Variants in ADGRV1 observed in about 807,000 individuals in gnomAD.
ADGRV1 encodes the protein G-protein coupled receptor 98.
ADGRV1 carries 359 observed loss-of-function variants against 596.2 expected under a neutral mutation model. The ratio of observed to expected loss-of-function variants is 0.60; its 90% CI spans 0.55 to 0.66. ADGRV1 has a LOEUF of 0.66. ADGRV1 is among the 30% of genes least tolerant of loss of function. The pLI is 0.00. For missense variants in ADGRV1, 7,274 were observed against 7,575.6 expected (o/e 0.96, Z 1.48); for synonymous variants, 2,681 against 2,679.2 (o/e 1.00, Z -0.02).
Position 90,614,872 on chromosome 5 carries a change from A to G in ADGRV1, c.60A>G (p.Ser20=). Residue 20 remains serine, a synonymous_variant, in exon 2 of 90, where the codon TCA becomes TCG. Transcript: ENST00000405460. ...PSASLLVNLL[S]ALLILFVFGE... ...CATCTTTATTAGTAAATCTTCTTTCAGCTTTACTCATCCTATTTGTGTTTG... is the reference window on the plus strand; with the variant it reads ...CATCTTTATTAGTAAATCTTCTTTCGGCTTTACTCATCCTATTTGTGTTTG... 1 of 1,610,746 alleles carries G rather than the reference A, an allele frequency of 6.2e-7. No homozygotes were observed. The highest frequency in any genetic ancestry group is 2.2e-5 in the East Asian group (1 of 44,678).
At chr5:91,114,930 A>G (rs1792719226) in intron 87 of ADGRV1, among the ~76,000 whole-genome samples, 1 of 151,952 alleles carries the variant, frequency 6.6e-6, no homozygotes, top group South Asian at 2.1e-4. Flanking sequence ...TGTCTCCCCA[A>G]CCCTGTCAGA....
At chr5:90,646,515 G>A (rs1485331548) in intron 16 of ADGRV1, among the ~76,000 whole-genome samples, 1 of 151,700 alleles carries the variant, frequency 6.6e-6, no homozygotes, top group Non-Finnish European at 1.5e-5. Flanking sequence ...TATGCCTAAT[G>A]GATGGCCATA....
At chr5:90,865,411 T>C (rs1440682361) in intron 83 of ADGRV1, among the ~76,000 whole-genome samples, 1 of 152,180 alleles carries the variant, frequency 6.6e-6, no homozygotes, top group Non-Finnish European at 1.5e-5. Context: ...AGCTCTTCAG[T>C]GTCCTAGCAG....
At chr5:91,123,357 C>A (rs988814133) in intron 87 of ADGRV1, among the ~76,000 whole-genome samples, 1 of 152,002 alleles carries the variant, frequency 6.6e-6, no homozygotes, top group Admixed American at 6.6e-5. Flanking sequence ...CTGGGACGTC[C>A]AAGATCAAAG....
intron 83 of ADGRV1, among the ~76,000 whole-genome samples, chr5:90,886,646 C>G (rs1387754921): frequency 6.6e-6 from 1 of 152,158 alleles, no homozygotes; most frequent in Non-Finnish European, 1.5e-5. Flanking sequence ...CTTATATACT[C>G]TGTTGCTCCT....
At chr5:90,672,168 G>C (rs1176552217) in intron 21 of ADGRV1, among the ~76,000 whole-genome samples, 1 of 152,016 alleles carries the variant, frequency 6.6e-6, no homozygotes, top group Admixed American at 6.5e-5. Flanking sequence ...TTATAAAATT[G>C]CAAGTTTGTC....
In ADGRV1 at chr5:90,675,253, G is replaced by T; in HGVS notation, c.5121G>T (p.Gln1707His). 6.2e-7 allele frequency: 1 copy of T among 1,613,168 alleles called. No homozygotes were observed. The highest frequency in any genetic ancestry group is 8.5e-7 in the Non-Finnish European group (1 of 1,179,730). ...CTTTGTCTCCACTAGGCTTGCTGCA[G>T]TTCTCCACAGGGCTGCCTCCTCAGC... ...KASDHPYGLLQFSTGLPPQPK... is the reference protein window; with the variant it reads ...KASDHPYGLLHFSTGLPPQPK... The change falls in exon 24 of 90, where the codon CAG becomes CAT. Residue 1707 changes from glutamine (Q) to histidine (H), a missense_variant. Physicochemically the swap from Gln to His is conservative, Grantham distance 24. Coordinates refer to ENST00000405460, the MANE Select transcript of ADGRV1 (RefSeq NM_032119.4).
At chr5:90,799,582 A>G (rs1364861241) in intron 70 of ADGRV1, among the ~76,000 whole-genome samples, 2 of 152,216 alleles carry the variant, frequency 1.3e-5, no homozygotes, top group African/African-American at 4.8e-5. Flanking sequence ...AAACTACCTT[A>G]AACTTCATAT....
rs772972763 is a variant in ADGRV1 at position 90,676,145 on chromosome 5, T to C, written c.5379T>C (p.Thr1793=). 33 of 1,606,422 alleles carry C rather than the reference T, an allele frequency of 2.1e-5. No homozygotes were observed. Among genetic ancestry groups the C allele is most frequent in the Non-Finnish European group, 2.6e-5 (30 of 1,175,316 alleles). Residue 1793 remains threonine, a synonymous_variant, in exon 25 of 90, where the codon ACT becomes ACC. Coordinates refer to ENST00000405460, the MANE Select transcript of ADGRV1 (RefSeq NM_032119.4). ...ERYKYIFINI[T]DNSIPELEKS... ...ATAAATACATTTTCATAAACATCAC[T>C]GATAATTCTATTCCTGAACTGGAAA...
At chr5:91,155,409 C>T (rs1198694145) in intron 89 of ADGRV1, among the ~76,000 whole-genome samples, 1 of 152,144 alleles carries the variant, frequency 6.6e-6, no homozygotes, top group African/African-American at 2.4e-5. Context: ...AGCCGGGCAG[C>T]AGAAGGCAGG....
rs1412653974 is a variant in ADGRV1, at chr5:90,821,022, G to C, written c.16197-2403G>C. Among the ~76,000 whole-genome samples, 11 of 152,146 alleles carry C rather than the reference G, an allele frequency of 7.2e-5. No homozygotes were observed. The East Asian group carries it at 1.2e-3, about 16-fold the overall frequency. On this transcript the variant is annotated intron_variant, in intron 75 of 89. Coordinates refer to ENST00000405460, the MANE Select transcript of ADGRV1 (RefSeq NM_032119.4). ...ATCCTGCAGAGTGTTTTCCACCTTG[G>C]TTCCATTCTCCCCATCACTTTCAGG... is the stretch of plus-strand genomic sequence containing the variant.
In ADGRV1 at chr5:90,830,889, A is replaced by G. The variant is rs570242590; in HGVS notation, c.16611+1703A>G. On this transcript the variant is annotated intron_variant, in intron 77 of 89. Coordinates refer to ENST00000405460, the MANE Select transcript of ADGRV1 (RefSeq NM_032119.4). ...TCATAATGTGGGTGAGCCTCATTCAATCAGTCAAAGTCCTGAATAGACCAA... is the reference window on the plus strand; with the variant it reads ...TCATAATGTGGGTGAGCCTCATTCAGTCAGTCAAAGTCCTGAATAGACCAA... 5.3e-5 allele frequency among the ~76,000 whole-genome samples: 8 copies of G among 152,280 alleles called. No homozygotes were observed. In the East Asian group the frequency reaches 1.4e-3, roughly 26 times the overall value.
At chr5:90,574,672 T>C (rs755331986) in intron 1 of ADGRV1, among the ~76,000 whole-genome samples, 14 of 152,188 alleles carry the variant, frequency 9.2e-5, no homozygotes, top group Non-Finnish European at 1.8e-4. Context: ...TTGATATCAG[T>C]TCCTTGTACG....
chr5:90,664,020 G>A, intron 21 of ADGRV1, among the ~76,000 whole-genome samples: 1 of 140,718 alleles, frequency 7.1e-6, no homozygotes, highest in Non-Finnish European at 1.5e-5. Context: ...CTGTAGCCTT[G>A]TAGTATAGTT....
intron 83 of ADGRV1, among the ~76,000 whole-genome samples, chr5:90,885,898 A>C (rs1770234625): frequency 6.6e-6 from 1 of 151,818 alleles, no homozygotes; most frequent in South Asian, 2.1e-4. Context: ...GGGAGGAAGA[A>C]AGGAAGGGAG....
intron 1 of ADGRV1, among the ~76,000 whole-genome samples, chr5:90,574,164 G>T (rs1030530374): frequency 1.1e-4 from 17 of 148,990 alleles, no homozygotes; most frequent in Admixed American, 6.6e-5. Context: ...GTTAATTTCA[G>T]AATAGTTTTT....
At position 90,745,753 on chromosome 5, in the gene ADGRV1, T is replaced by C. The variant is rs773318505; in HGVS notation, c.10932T>C (p.Ile3644=). Residue 3644 remains isoleucine (I), a synonymous_variant, in exon 52 of 90, where the codon ATT becomes ATC. Coordinates refer to ENST00000405460, the MANE Select transcript of ADGRV1 (RefSeq NM_032119.4). ...IGINDSVTIT[I]LSNDDAYGIV... is the part of the protein sequence containing the mutation. ...TTAATGATTCTGTAACAATAACCAT[T>C]CTGTCTAATGATGATGCCTATGGAA... 76 of 1,611,928 alleles carry C rather than the reference T, an allele frequency of 4.7e-5. No individual in the cohort carries two copies. Among genetic ancestry groups the C allele is most frequent in the Middle Eastern group, 1.6e-4 (1 of 6,080 alleles).
At chr5:91,019,604 A>G (rs1783461916) in intron 85 of ADGRV1, among the ~76,000 whole-genome samples, 1 of 151,788 alleles carries the variant, frequency 6.6e-6, no homozygotes. Context: ...AAAAATGGAT[A>G]TGATGCCACT....
At chr5:91,001,613 A>G (rs981125987) in intron 85 of ADGRV1, among the ~76,000 whole-genome samples, 2 of 152,144 alleles carry the variant, frequency 1.3e-5, no homozygotes, top group African/African-American at 2.4e-5. Context: ...CTTTGTTCCT[A>G]TTAAAGCTAT....
Sources: allele counts gnomAD v4.1 joint callset (sites outside exome capture counted in the v4.1 genomes callset), GRCh38; gene constraint gnomAD v4.1.1; transcripts MANE v1.5; gene names NCBI Gene and HGNC (gene_info 2026-07-23, HGNC 2026-07-21).